Variants in NCOA2 observed in about 807,000 individuals in gnomAD.
NCOA2 encodes the protein class E basic helix-loop-helix protein 75.
A neutral mutation model predicts 145.1 loss-of-function variants in NCOA2; 21 were observed. The observed-to-expected ratio is 0.14, with a 90% CI of 0.10 to 0.21. The LOEUF (loss-of-function observed/expected upper bound fraction) is 0.21, where lower values mean the gene tolerates loss of function less well. Ranked by LOEUF, NCOA2 falls within the 10% of genes least tolerant of loss-of-function variation. The probability of loss-of-function intolerance (pLI) is 1.00; values close to 1 mark genes in which losing one functional copy is unlikely to be tolerated. For missense variants in NCOA2, 1,472 were observed against 1,837.6 expected, an observed-to-expected ratio of 0.80 and a Z score of 3.64; for synonymous variants, 619 against 637.5, an observed-to-expected ratio of 0.97 and a Z score of 0.44.
At chr8:70,285,363 T>C (rs1439876300) in intron 2 of NCOA2, among the ~76,000 whole-genome samples, 3 of 152,210 alleles carry the variant, frequency 2.0e-5, no homozygotes, top group African/African-American at 7.2e-5. Context: ...GCTCACATAC[T>C]TCAGCTAAGA....
intron 1 of NCOA2, among the ~76,000 whole-genome samples, chr8:70,385,177 T>A (rs1812545767): frequency 6.6e-6 from 1 of 152,206 alleles, no homozygotes; most frequent in African/African-American, 2.4e-5. Flanking sequence ...ATCCTCTATT[T>A]GAATTTAAAA....
chr8:70,403,087 C>G (rs1387666108), intron 1 of NCOA2, among the ~76,000 whole-genome samples: 1 of 150,252 alleles, frequency 6.7e-6, no homozygotes, highest in African/African-American at 2.4e-5. Flanking sequence ...CCCCGCTTCA[C>G]CTTCACACAC....
rs1455377983 is a variant in NCOA2 at position 70,138,304 on chromosome 8, C to T, written c.3057G>A (p.Gly1019=). Residue 1019 remains glycine (G), a synonymous_variant, in exon 15 of 23, where the codon GGG becomes GGA. Coordinates refer to ENST00000452400, the MANE Select transcript of NCOA2 (RefSeq NM_006540.4). Reference sequence around the variant, plus strand: ...CTTGTTGTTGGCTATACTGAGGTCCCCCCATGTTCATCTCTAATTCAGATG... The same window carrying T: ...CTTGTTGTTGGCTATACTGAGGTCCTCCCATGTTCATCTCTAATTCAGATG... ...IGPSELEMNM[G]GPQYSQQQAP... The T allele has an allele frequency of 6.2e-7, 1 of 1,612,306 alleles. No individual in the cohort carries two copies. Among genetic ancestry groups the T allele is most frequent in the Non-Finnish European group, 8.5e-7 (1 of 1,179,126 alleles).
At chr8:70,286,635 G>A (rs1563724225) in intron 2 of NCOA2, among the ~76,000 whole-genome samples, 1 of 152,102 alleles carries the variant, frequency 6.6e-6, no homozygotes, top group South Asian at 2.1e-4. Context: ...TAAAAGACAA[G>A]AGAAAAAGAA....
chr8:70,408,137 C>A (rs184868463), upstream of NCOA2, among the ~76,000 whole-genome samples: 1 of 152,192 alleles, frequency 6.6e-6, no homozygotes, highest in Non-Finnish European at 1.5e-5. Context: ...GAGTTTCAAT[C>A]TTGGCTCTTA....
chr8:70,323,232 C>A (rs141355252), intron 1 of NCOA2, among the ~76,000 whole-genome samples: 8 of 152,074 alleles, frequency 5.3e-5, no homozygotes, highest in African/African-American at 1.9e-4. Flanking sequence ...ATAATCCCTG[C>A]CTGAGTAGAG....
intron 4 of NCOA2, among the ~76,000 whole-genome samples, chr8:70,186,978 C>T (rs2133141094): frequency 6.6e-6 from 1 of 152,182 alleles, no homozygotes; most frequent in Non-Finnish European, 1.5e-5. Context: ...TTAAAATGAC[C>T]CTTTAAATAC....
At chr8:70,374,761 T>C (rs1343915489) in intron 1 of NCOA2, among the ~76,000 whole-genome samples, 3 of 149,412 alleles carry the variant, frequency 2.0e-5, no homozygotes, top group African/African-American at 7.4e-5. Flanking sequence ...ATGATCATGC[T>C]ACTGCACTCT....
Position 70,213,921 on chromosome 8 carries a change from G to C in NCOA2, c.241C>G (p.Arg81Gly). ...AILKETVKQI[R>G]QIKEQEKAAA... ...CTCTTACCTTGTTCTTTGATCTGACGAATTTGCTTCACAGTTTCTTTTAAG... is the reference window on the plus strand; with the variant it reads ...CTCTTACCTTGTTCTTTGATCTGACCAATTTGCTTCACAGTTTCTTTTAAG... The change falls in exon 4 of 23, where the codon CGT becomes GGT. Residue 81 changes from arginine to glycine, a missense_variant. Physicochemically the swap from Arg to Gly is moderately radical, Grantham distance 125. Around this residue, in one of 4 missense-constraint regions of NCOA2, gnomAD observed 284 missense variants for 467.8 expected, o/e 0.61. Coordinates refer to ENST00000452400, the MANE Select transcript of NCOA2 (RefSeq NM_006540.4). 6.3e-7 allele frequency: 1 copy of C among 1,599,488 alleles called. No individual in the cohort carries two copies.
chr8:70,273,837 A>C (rs893124185), intron 2 of NCOA2: 1 of 560,772 alleles, frequency 1.8e-6, no homozygotes, highest in African/African-American at 1.9e-5. Flanking sequence ...GAATGAGGCA[A>C]ACTGAAGTGA....
At chr8:70,133,914 G>A (rs1051598254) in intron 15 of NCOA2, among the ~76,000 whole-genome samples, 4 of 152,168 alleles carry the variant, frequency 2.6e-5, no homozygotes, top group African/African-American at 9.7e-5. Context: ...CTAGTAACTT[G>A]GAAATTGTCC....
At chr8:70,210,444 C>T (rs1243586085) in intron 4 of NCOA2, among the ~76,000 whole-genome samples, 1 of 152,204 alleles carries the variant, frequency 6.6e-6, no homozygotes, top group African/African-American at 2.4e-5. Flanking sequence ...GGCAGTCACA[C>T]TATTAGCATC....
intron 1 of NCOA2, among the ~76,000 whole-genome samples, chr8:70,362,086 T>C (rs372665278): frequency 3.3e-5 from 5 of 152,222 alleles, no homozygotes; most frequent in South Asian, 4.1e-4. Context: ...CCGTTAAACA[T>C]TGGTGTGACA....
chr8:70,294,073 AAT>A (rs1826902101), intron 2 of NCOA2, among the ~76,000 whole-genome samples: 1 of 152,174 alleles, frequency 6.6e-6, no homozygotes. Flanking sequence ...CCCAAAATAT[AAT>A]AATTATATTT....
chr8:70,163,332 C>T, intron 8 of NCOA2, 133 bp downstream of exon 8: 2 of 657,340 alleles, frequency 3.0e-6, no homozygotes, highest in South Asian at 3.9e-5. Context: ...TCCTCCAACT[C>T]CTTGACATTT....
chr8:70,199,712 A>C (rs889074583), intron 4 of NCOA2, among the ~76,000 whole-genome samples: 1 of 152,188 alleles, frequency 6.6e-6, no homozygotes, highest in African/African-American at 2.4e-5. Flanking sequence ...GAAAACCATC[A>C]TAAGGAGGCA....
rs113516594 is a variant in NCOA2 at position 70,179,375 on chromosome 8, C to T, written c.260-4516G>A. Among the ~76,000 whole-genome samples the T allele has an allele frequency of 3.9e-3, 588 of 152,118 alleles. 11 individuals carry two copies. Among genetic ancestry groups the T allele is most frequent in the African/African-American group, 0.014 (562 of 41,492 alleles). ...GGTACTTTTCATGAAGTAATTACTACCTCTGTTGAATGTTCAGTTGAGCCT... is the reference window on the plus strand; with the variant it reads ...GGTACTTTTCATGAAGTAATTACTATCTCTGTTGAATGTTCAGTTGAGCCT... On this transcript the variant is annotated intron_variant, in intron 4 of 22. Transcript: ENST00000452400.
At chr8:70,306,066 A>C (rs189676914) in intron 1 of NCOA2, among the ~76,000 whole-genome samples, 1 of 152,352 alleles carries the variant, frequency 6.6e-6, no homozygotes, top group East Asian at 1.9e-4. Flanking sequence ...AAAAAACTAA[A>C]AATGGGATTT....
At chr8:70,440,994 A>C in the NCOA2 span, among the ~76,000 whole-genome samples, 1 of 150,400 alleles carries the variant, frequency 6.6e-6, no homozygotes. Flanking sequence ...GAAAGAGGAA[A>C]GATAGAAAGG....
Sources: allele counts gnomAD v4.1 joint callset (sites outside exome capture counted in the v4.1 genomes callset), GRCh38; gene constraint gnomAD v4.1.1; regional missense constraint gnomAD v4.1.1; transcripts MANE v1.5; gene names NCBI Gene and HGNC (gene_info 2026-07-23, HGNC 2026-07-21).